ATP2C2: variants seen among roughly 807,000 people sequenced by gnomAD.
ATP2C2 encodes calcium-transporting ATPase type 2C member 2.
Under a neutral mutation model 110.8 loss-of-function variants are expected in ATP2C2, and 171 were observed. The observed-to-expected ratio is 1.54, with a 90% confidence interval of 1.36 to 1.75. The LOEUF is 1.75. Among genes scored for constraint, ATP2C2 ranks in the 40% most tolerant of loss-of-function variants. The probability of loss-of-function intolerance (pLI) is 0.00; values close to 1 mark genes in which losing one functional copy is unlikely to be tolerated. For missense variants in ATP2C2, 1,963 were observed against 1,235.0 expected, an observed-to-expected ratio of 1.59 and a Z score of -8.84; for synonymous variants, 804 against 508.4, an observed-to-expected ratio of 1.58 and a Z score of -7.82.
rs774729793 is a variant in ATP2C2, at chr16:84,461,612, C to T, written c.2482-102C>T. The T allele has an allele frequency of 9.4e-6, 10 of 1,065,416 alleles. No individual in the cohort carries two copies. The African/African-American group carries it at 1.6e-4, about 17-fold the overall frequency. The allele number at this position is 1,065,416 out of a possible 1,614,324, so 66.0% of individuals were successfully genotyped here. A position where few individuals can be genotyped will look rare whatever the true frequency, so the allele number is the denominator to read the frequency against. On this transcript the variant is annotated intron_variant, in intron 24 of 26. Transcript: ENST00000262429. ...CGATTCATGAGCTTGTAAGTGGCTC[C>T]CAGCCATGCCCCAGGAGCAGTGAGG...
At chr16:84,461,866 C>T in intron 25 of ATP2C2, 54 bp downstream of exon 25, 1 of 1,608,260 alleles carries the variant, frequency 6.2e-7, no homozygotes, top group South Asian at 1.1e-5. Flanking sequence ...TTCTCGACAG[C>T]AGCGCCCCGA....
intron 17 of ATP2C2, among the ~76,000 whole-genome samples, chr16:84,451,420 C>A (rs758277871): frequency 5.9e-5 from 9 of 152,342 alleles, no homozygotes; most frequent in South Asian, 2.1e-4. Context: ...GCTTCCTTCT[C>A]CATCTGTTGT....
intron 11 of ATP2C2, 83 bp from the exon 12 acceptor site, chr16:84,439,083 A>G: frequency 6.4e-7 from 1 of 1,571,706 alleles, no homozygotes; most frequent in Non-Finnish European, 8.7e-7. Context: ...AAGCTTCACC[A>G]GCCAAAAGCA....
chr16:84,423,318 A>G (rs770784724), intron 10 of ATP2C2, 55 bp downstream of exon 10: 1 of 1,528,992 alleles, frequency 6.5e-7, no homozygotes, highest in Non-Finnish European at 9.1e-7. Context: ...GGGAGCCATC[A>G]TAGGGGGGTT....
intron 16 of ATP2C2, 32 bp downstream of exon 16, chr16:84,446,462 C>G (rs1909760047): frequency 1.3e-6 from 2 of 1,497,868 alleles, no homozygotes; most frequent in Non-Finnish European, 1.8e-6. Flanking sequence ...CCTCTTCTCT[C>G]TTTCTGCCCG....
At chr16:84,401,192 A>G (rs546148948) in intron 2 of ATP2C2, among the ~76,000 whole-genome samples, 69 of 144,498 alleles carry the variant, frequency 4.8e-4, no homozygotes, top group African/African-American at 1.7e-3. Context: ...ATAGTTTCAT[A>G]GTCTGTGATC....
At chr16:84,462,341 C>T (rs1911463093) in intron 26 of ATP2C2, 5 of 617,694 alleles carry the variant, frequency 8.1e-6, no homozygotes, top group Non-Finnish European at 1.3e-5. Context: ...AGGAAGAGGC[C>T]TGTCACTCAA....
chr16:84,417,985 C>A (rs1906986338), intron 7 of ATP2C2, among the ~76,000 whole-genome samples: 2 of 152,164 alleles, frequency 1.3e-5, no homozygotes, highest in African/African-American at 2.4e-5. Context: ...AGTAATAGAC[C>A]TTTTTGCACA....
intron 7 of ATP2C2, among the ~76,000 whole-genome samples, chr16:84,418,548 C>T (rs925190848): frequency 6.6e-6 from 1 of 152,182 alleles, no homozygotes; most frequent in African/African-American, 2.4e-5. Context: ...ATTTGTTCTC[C>T]CAACACCCTT....
chr16:84,461,055 C>G (rs35898038), intron 24 of ATP2C2: 12 of 483,028 alleles, frequency 2.5e-5, no homozygotes, highest in African/African-American at 1.7e-4. Context: ...TTTGCCGAGA[C>G]GGGAGTTGAA....
rs201980033 is a variant in ATP2C2, at chr16:84,410,730, A to G, written c.480A>G (p.Glu160=). The part of the protein sequence containing the change: ...IQEYRSEKSL[E]ELTKLVPPEC... ...AGTACAGGTCGGAGAAATCTCTGGA[A>G]GAGCTGACCAAGCTGGTTCCTCCAG... The change falls in exon 6 of 27, where the codon GAA becomes GAG. Residue 160 remains glutamate (E), a synonymous_variant. Transcript: ENST00000262429. 20 of 1,614,096 alleles carry G rather than the reference A, an allele frequency of 1.2e-5. No homozygotes were observed. Among genetic ancestry groups the G allele is most frequent in the Non-Finnish European group, 1.6e-5 (19 of 1,180,034 alleles).
chr16:84,382,105 A>T (rs1325991215), intron 1 of ATP2C2, among the ~76,000 whole-genome samples: 1 of 152,076 alleles, frequency 6.6e-6, no homozygotes, highest in African/African-American at 2.4e-5. Flanking sequence ...CATCTACATT[A>T]GTTATTTCTC....
At chr16:84,456,649 G>T (rs58966071) in intron 21 of ATP2C2, among the ~76,000 whole-genome samples, 1 of 79,496 alleles carries the variant, frequency 1.3e-5, no homozygotes, top group African/African-American at 5.2e-5. Context: ...CAAAGTCTCA[G>T]GATACAAAAT....
At chr16:84,438,512 C>G (rs1347085037) in intron 11 of ATP2C2, among the ~76,000 whole-genome samples, 1 of 152,210 alleles carries the variant, frequency 6.6e-6, no homozygotes, top group Non-Finnish European at 1.5e-5. Flanking sequence ...AAGAGAGCAT[C>G]TCACCAGCTC....
At position 84,453,054 on chromosome 16, in the gene ATP2C2, G is replaced by A. The variant is rs1181317493; in HGVS notation, c.1832-84G>A. On this transcript the variant is annotated intron_variant, in intron 18 of 26. Coordinates refer to ENST00000262429, the MANE Select transcript of ATP2C2 (RefSeq NM_014861.4). ...TCTCCAGCATGGTTTTATTCTTGGT[G>A]TTCCCCATGGCCGAGGTGGGGCCGG... 28 of 1,372,716 alleles carry A rather than the reference G, an allele frequency of 2.0e-5. No homozygotes were observed. The South Asian group carries it at 2.5e-4, about 12-fold the overall frequency. The allele number at this position is 1,372,716 out of a possible 1,614,324, so 85.0% of individuals were successfully genotyped here.
chr16:84,456,237 G>A (rs1184772448), intron 21 of ATP2C2, among the ~76,000 whole-genome samples: 2 of 134,730 alleles, frequency 1.5e-5, no homozygotes, highest in African/African-American at 2.8e-5. Flanking sequence ...GGTAGAATTC[G>A]GCTGTGAATC....
chr16:84,432,606 C>T (rs987781307), intron 11 of ATP2C2, among the ~76,000 whole-genome samples: 8 of 152,040 alleles, frequency 5.3e-5, no homozygotes, highest in African/African-American at 1.9e-4. Flanking sequence ...CTGCCACCTC[C>T]ATCTCCTGGG....
At chr16:84,386,110 T>C (rs879235263) in intron 1 of ATP2C2, among the ~76,000 whole-genome samples, 1 of 152,204 alleles carries the variant, frequency 6.6e-6, no homozygotes, top group East Asian at 1.9e-4. Context: ...CATTTTGTAC[T>C]TTCTGTACCT....
intron 7 of ATP2C2, among the ~76,000 whole-genome samples, chr16:84,416,312 C>T (rs1597796415): frequency 1.3e-5 from 2 of 152,180 alleles, no homozygotes; most frequent in East Asian, 3.8e-4. Context: ...TCAAGTTCAC[C>T]ATGATTTGTT....
Sources: gnomAD v4.1 joint callset for allele counts (sites outside exome capture counted in the v4.1 genomes callset) on GRCh38, gnomAD v4.1.1 for gene constraint, MANE v1.5 for transcripts, NCBI Gene and HGNC (gene_info 2026-07-23, HGNC 2026-07-21) for gene names.